Variants in MAPK6 observed in about 807,000 individuals in gnomAD.
MAPK6 encodes mitogen-activated protein kinase 6.
In MAPK6, 19 loss-of-function variants were observed where a neutral mutation model predicts 59.3. The ratio of observed to expected loss-of-function variants is 0.32; its 90% CI spans 0.22 to 0.47. The LOEUF is 0.47. Ranked by LOEUF, MAPK6 falls within the 20% of genes least tolerant of loss-of-function variation. MAPK6 has a pLI of 1.00. For missense variants in MAPK6, 724 were observed against 847.9 expected, an observed-to-expected ratio of 0.85 and a Z score of 1.81; for synonymous variants, 316 against 290.3, an observed-to-expected ratio of 1.09 and a Z score of -0.90.
chr15:52,048,376 T>C (rs1595998841), intron 2 of MAPK6, among the ~76,000 whole-genome samples: 1 of 152,096 alleles, frequency 6.6e-6, no homozygotes, highest in Admixed American at 6.5e-5. Flanking sequence ...CTCAGCACTT[T>C]GGGAGGCTGA....
At chr15:52,060,844 G>C (rs1326171893) in intron 4 of MAPK6, among the ~76,000 whole-genome samples, 1 of 152,162 alleles carries the variant, frequency 6.6e-6, no homozygotes, top group Non-Finnish European at 1.5e-5. Flanking sequence ...TTACATACCA[G>C]ACACTATGAT....
intron 5 of MAPK6, among the ~76,000 whole-genome samples, chr15:52,062,503 G>T (rs1416045334): frequency 6.6e-6 from 1 of 152,100 alleles, no homozygotes. Flanking sequence ...GGTGGCTCAT[G>T]CCTGTAATCC....
At chr15:51,981,773 G>C (rs1461381606) in intron 1 of MAPK6, among the ~76,000 whole-genome samples, 1 of 152,128 alleles carries the variant, frequency 6.6e-6, no homozygotes, top group South Asian at 2.1e-4. Context: ...GAAAGAATCA[G>C]AAGGAACAAA....
At chr15:52,063,038 T>C (rs1456827054) in intron 5 of MAPK6, among the ~76,000 whole-genome samples, 1 of 152,200 alleles carries the variant, frequency 6.6e-6, no homozygotes, top group African/African-American at 2.4e-5. Context: ...CTACTTTTTT[T>C]CTCCATGTGT....
rs1311084184 is a variant in MAPK6 at position 52,059,363 on chromosome 15, A to G, written c.865+566A>G. 2.6e-5 allele frequency among the ~76,000 whole-genome samples: 4 copies of G among 152,360 alleles called. No individual in the cohort carries two copies. The East Asian group carries it at 7.7e-4, about 29-fold the overall frequency. On this transcript the variant is annotated intron_variant, in intron 4 of 5. Coordinates refer to ENST00000261845, the MANE Select transcript of MAPK6 (RefSeq NM_002748.4). ...GGCTGGTCTTGAACTCCTGAGCTCA[A>G]GCAGCCTTTCTGCCTCAGCCTCCCA...
At chr15:52,049,612 A>ATTTT (rs934846995) in intron 2 of MAPK6, among the ~76,000 whole-genome samples, 1 of 124,188 alleles carries the variant, frequency 8.1e-6, no homozygotes, top group African/African-American at 3.0e-5. Flanking sequence ...AAAGATTAGG[A>ATTTT]TTTTTTTTTT....
At chr15:52,028,412 C>A (rs2141867254) in intron 1 of MAPK6, among the ~76,000 whole-genome samples, 1 of 152,240 alleles carries the variant, frequency 6.6e-6, no homozygotes, top group East Asian at 1.9e-4. Context: ...TAAGGACTTA[C>A]CTCGTTCTTG....
intron 1 of MAPK6, among the ~76,000 whole-genome samples, chr15:52,019,710 C>T (rs1346605008): frequency 6.0e-5 from 9 of 150,320 alleles, no homozygotes; most frequent in Non-Finnish European, 7.4e-5. Context: ...CCTGCCAGGC[C>T]GCGCCCGCTC....
At chr15:52,039,673 A>G (rs2031356374) in intron 1 of MAPK6, among the ~76,000 whole-genome samples, 1 of 151,584 alleles carries the variant, frequency 6.6e-6, no homozygotes, top group Non-Finnish European at 1.5e-5. Flanking sequence ...GAGCCACGAC[A>G]CCTGGCTAGT....
At chr15:52,006,454 G>A (rs1165375134) in intron 3 of MAPK6, among the ~76,000 whole-genome samples, 1 of 152,186 alleles carries the variant, frequency 6.6e-6, no homozygotes, top group South Asian at 2.1e-4. Context: ...TTCACCTTTC[G>A]TTTTCAACTA....
At chr15:52,060,222 G>C (rs745820199) in intron 4 of MAPK6, among the ~76,000 whole-genome samples, 1 of 152,146 alleles carries the variant, frequency 6.6e-6, no homozygotes, top group Non-Finnish European at 1.5e-5. Context: ...CTGGGCAACC[G>C]CAAAGATGCT....
intron 1 of MAPK6, among the ~76,000 whole-genome samples, chr15:51,972,587 G>A (rs1349821809): frequency 1.7e-4 from 24 of 145,434 alleles, no homozygotes; most frequent in Middle Eastern, 3.6e-3. Context: ...ACTTTGGGAG[G>A]CCGAGGCGGG....
intron 1 of MAPK6, among the ~76,000 whole-genome samples, chr15:52,025,309 G>C (rs560192128): frequency 4.6e-5 from 7 of 152,142 alleles, no homozygotes; most frequent in African/African-American, 1.4e-4. Flanking sequence ...AGTCTTCTGA[G>C]TTGCTCTTTC....
At chr15:52,044,379 C>G (rs1207790723) in intron 1 of MAPK6, among the ~76,000 whole-genome samples, 1 of 152,178 alleles carries the variant, frequency 6.6e-6, no homozygotes, top group South Asian at 2.1e-4. Context: ...TGTCTTTCTC[C>G]TATTGGACAA....
chr15:52,004,388 A>C (rs1372217932), exon 3 of MAPK6: 1 of 152,192 alleles, frequency 6.6e-6, no homozygotes, highest in Non-Finnish European at 1.5e-5. Context: ...GGAGATTGCT[A>C]TAAGCTGCTT....
At chr15:52,023,615 TTTGTTTTTTG>T (rs1475204464) in intron 1 of MAPK6, among the ~76,000 whole-genome samples, 1 of 152,212 alleles carries the variant, frequency 6.6e-6, no homozygotes, top group Non-Finnish European at 1.5e-5. Context: ...TTTTTGTTTG[TTTGTTTTTTG>T]TTTTTGAGAC....
chr15:52,025,457 C>G (rs113649902), intron 1 of MAPK6, among the ~76,000 whole-genome samples: 1 of 152,140 alleles, frequency 6.6e-6, no homozygotes, highest in Non-Finnish European at 1.5e-5. Flanking sequence ...GAATACTTGA[C>G]GAGCAAGTAG....
At position 52,064,177 on chromosome 15, in the gene MAPK6, C is replaced by G. The variant is rs190252061; in HGVS notation, c.1343C>G (p.Thr448Arg). ...LECSHTCNYK[T>R]RSSSYLDNLV... ...TGTAGCCATACTTGTAACTACAAAA[C>G]GAGGTCATCATCATATTTAGATAAC... Residue 448 changes from threonine to arginine, a missense_variant, in exon 6 of 6, where the codon ACG becomes AGG. Thr to Arg is a moderately conservative substitution (Grantham distance 71). Coordinates refer to ENST00000261845, the MANE Select transcript of MAPK6 (RefSeq NM_002748.4). The G allele has an allele frequency of 6.2e-7, 1 of 1,612,842 alleles. No homozygotes were observed. Among genetic ancestry groups the G allele is most frequent in the Non-Finnish European group, 8.5e-7 (1 of 1,179,690 alleles).
chr15:52,002,691 GT>G (rs371128566), intron 2 of MAPK6, among the ~76,000 whole-genome samples: 16 of 152,292 alleles, frequency 1.1e-4, no homozygotes, highest in African/African-American at 3.4e-4. Flanking sequence ...TTGTATTAGT[GT>G]TTTCACACTG....
Sources: gnomAD v4.1 joint callset for allele counts (sites outside exome capture counted in the v4.1 genomes callset) on GRCh38, gnomAD v4.1.1 for gene constraint, MANE v1.5 for transcripts, NCBI Gene and HGNC (gene_info 2026-07-23, HGNC 2026-07-21) for gene names.